HDLBP: variants seen among roughly 807,000 people sequenced by gnomAD.
The protein encoded by HDLBP is vigilin.
In HDLBP, 30 loss-of-function variants were observed where a neutral mutation model predicts 137.3. The observed-to-expected ratio is 0.22, with a 90% CI of 0.16 to 0.30. HDLBP has a LOEUF of 0.30. Among genes scored for constraint, HDLBP ranks in the 10% least tolerant of loss-of-function variants. The pLI, the probability that HDLBP is intolerant of heterozygous loss-of-function variation, is 1.00. For synonymous variants in HDLBP, 606 were observed against 596.0 expected (o/e 1.02, Z -0.24); for missense variants, 1,119 against 1,667.3 (o/e 0.67, Z 5.73).
At chr2:241,236,905 G>A (rs2070550419) in intron 20 of HDLBP, 136 bp from the exon 21 acceptor site, 3 of 782,060 alleles carry the variant, frequency 3.8e-6, no homozygotes, top group Non-Finnish European at 4.0e-6. Flanking sequence ...CTGTCCTTCA[G>A]GAGGTCTTGG....
In HDLBP at chr2:241,242,432, A is replaced by T. The variant is rs2071334673; in HGVS notation, c.2169+28T>A. ...TGTACTGAGGACCAGGCTTCCTGCC[A>T]AGAGTCACGCTCCCTCCCCATGCTC... On this transcript the variant is annotated intron_variant, in intron 17 of 27. Coordinates refer to ENST00000310931, the MANE Select transcript of HDLBP (RefSeq NM_005336.6). 3.1e-6 allele frequency: 5 copies of T among 1,592,528 alleles called. No individual in the cohort carries two copies. The East Asian group carries it at 1.1e-4, about 36-fold the overall frequency.
Position 241,239,509 on chromosome 2 carries a change from A to C in HDLBP, c.2610+93T>G, listed in dbSNP as rs1574874239. 1.0e-6 allele frequency: 1 copy of C among 999,916 alleles called. No individual in the cohort carries two copies. The highest frequency in any genetic ancestry group is 1.5e-6 in the Non-Finnish European group (1 of 649,526). The allele number at this position is 999,916 out of a possible 1,614,324, so 61.9% of individuals were successfully genotyped here. The stretch of plus-strand genomic sequence containing the variant: ...CCTTCCAGGGCTGTATGAGGGAGTC[A>C]CCTCCCTACAGGGTGGAGCGAACAC... On this transcript the variant is annotated intron_variant, in intron 19 of 27. Transcript: ENST00000310931. This position sits in a 1 kb window ranked among gnomAD's most constrained non-coding sequence, Gnocchi z 4.6.
At chr2:241,279,587 C>T (rs1224129711) in intron 1 of HDLBP, among the ~76,000 whole-genome samples, 1 of 152,152 alleles carries the variant, frequency 6.6e-6, no homozygotes, top group Non-Finnish European at 1.5e-5. Flanking sequence ...CTGACATTGC[C>T]TGCCTCAGAT....
intron 17 of HDLBP, among the ~76,000 whole-genome samples, chr2:241,242,179 G>A (rs2071304293): frequency 6.6e-6 from 1 of 152,142 alleles, no homozygotes; most frequent in African/African-American, 2.4e-5. Flanking sequence ...AACTATACCT[G>A]AAGAATGGCC....
intron 23 of HDLBP, 99 bp from the exon 24 acceptor site, chr2:241,234,062 C>T (rs2070108980): frequency 7.2e-7 from 1 of 1,389,902 alleles, no homozygotes; most frequent in Non-Finnish European, 1.0e-6. Context: ...GGAGATGCTG[C>T]AGTGTTCTGT....
At chr2:241,297,093 G>T (rs902307269) in intron 1 of HDLBP, among the ~76,000 whole-genome samples, 6 of 143,144 alleles carry the variant, frequency 4.2e-5, no homozygotes, top group Non-Finnish European at 9.2e-5. Context: ...TGCAAAAAGA[G>T]AGCGTGTAGG....
At chr2:241,245,822 G>GTTTT (rs1156359327) in intron 16 of HDLBP, among the ~76,000 whole-genome samples, 1 of 151,896 alleles carries the variant, frequency 6.6e-6, no homozygotes, top group Non-Finnish European at 1.5e-5. Flanking sequence ...AAATATAAGG[G>GTTTT]GGAAAAAAAT....
At chr2:241,262,661 A>T in intron 5 of HDLBP, 50 bp downstream of exon 5, 1 of 1,409,344 alleles carries the variant, frequency 7.1e-7, no homozygotes, top group Non-Finnish European at 1.0e-6. Flanking sequence ...GAGCCGGGTA[A>T]TGGAACGGGT....
chr2:241,259,727 G>A (rs1273602334), intron 5 of HDLBP, among the ~76,000 whole-genome samples: 1 of 151,938 alleles, frequency 6.6e-6, no homozygotes, highest in Non-Finnish European at 1.5e-5. Context: ...TGCTCACCTC[G>A]GCCTCCCAAA....
intron 1 of HDLBP, among the ~76,000 whole-genome samples, chr2:241,291,905 T>C: frequency 6.6e-6 from 1 of 152,220 alleles, no homozygotes; most frequent in East Asian, 1.9e-4. Flanking sequence ...AAGCAGATAC[T>C]CTCCAGAGCT....
intron 9 of HDLBP, among the ~76,000 whole-genome samples, chr2:241,254,130 C>G (rs1411246470): frequency 6.6e-6 from 1 of 152,102 alleles, no homozygotes; most frequent in Non-Finnish European, 1.5e-5. Context: ...CGAAAACTAG[C>G]CTGGGGCGCC....
At chr2:241,246,121 C>T (rs1014487403) in intron 16 of HDLBP, among the ~76,000 whole-genome samples, 21 of 152,158 alleles carry the variant, frequency 1.4e-4, no homozygotes, top group Non-Finnish European at 4.4e-5. Context: ...GGTGACAACA[C>T]ACACAAATGT....
At chr2:241,252,728 A>G (rs927487480) in intron 11 of HDLBP, among the ~76,000 whole-genome samples, 19 of 152,230 alleles carry the variant, frequency 1.2e-4, no homozygotes, top group Non-Finnish European at 2.5e-4. Context: ...TGGATTTCCA[A>G]AAGTGACAAT....
In HDLBP at chr2:241,262,818, A is replaced by T. The variant is rs761118075; in HGVS notation, c.343T>A (p.Leu115Met). Reference sequence around the variant, plus strand: ...TGGTCTTTGGCCAAAGACAGCTCCAAGTGAGCACCAGTTCTCTGCATGATC... The same window carrying T: ...TGGTCTTTGGCCAAAGACAGCTCCATGTGAGCACCAGTTCTCTGCATGATC... ...LEIMQRTGAH[L>M]ELSLAKDQGL... is the part of the protein sequence containing the mutation. The change falls in exon 5 of 28, where the codon TTG becomes ATG. Residue 115 changes from leucine (L) to methionine (M), a missense_variant. By Grantham distance (15) the Leu-to-Met change is conservative. Around this residue, in one of 4 missense-constraint regions of HDLBP, gnomAD observed 17 missense variants for 64.3 expected, o/e 0.26. Transcript: ENST00000310931. 1 of 1,614,100 alleles carries T rather than the reference A, an allele frequency of 6.2e-7. No individual in the cohort carries two copies. Among genetic ancestry groups the T allele is most frequent in the African/African-American group, 1.3e-5 (1 of 74,940 alleles).
Position 241,239,625 on chromosome 2 carries a change from T to C in HDLBP, c.2587A>G (p.Ile863Val), listed in dbSNP as rs774689627. 6.2e-7 allele frequency: 1 copy of C among 1,614,182 alleles called. No homozygotes were observed. Among genetic ancestry groups the C allele is most frequent in the Non-Finnish European group, 8.5e-7 (1 of 1,180,014 alleles). The change falls in exon 19 of 28, where the codon ATT becomes GTT. Residue 863 changes from isoleucine to valine, a missense_variant. Around this residue, in one of 4 missense-constraint regions of HDLBP, gnomAD observed 618 missense variants for 816.7 expected, o/e 0.76. Transcript: ENST00000310931. This position sits in a 1 kb window ranked among gnomAD's most constrained non-coding sequence, Gnocchi z 4.6. ...KDCVEAAKKR[I>V]QEIIEDLEAQ... Reference sequence around the variant, plus strand: ...ACCAGGTCCTCAATGATCTCCTGAATGCGTTTCTTGGCTGCCTCCACACAG... The same window carrying C: ...ACCAGGTCCTCAATGATCTCCTGAACGCGTTTCTTGGCTGCCTCCACACAG...
Position 241,238,808 on chromosome 2 carries a change from A to G in HDLBP, c.2611-21T>C, listed in dbSNP as rs747547197. ...GCTTCCTGGAGGGAGGTACACAAAGAAAAAAGAAAAGAGCAAAGATTAAAT... is the reference window on the plus strand; with the variant it reads ...GCTTCCTGGAGGGAGGTACACAAAGGAAAAAGAAAAGAGCAAAGATTAAAT... On this transcript the variant is annotated intron_variant, in intron 19 of 27. Transcript: ENST00000310931. The surrounding 1 kb of genome is among the most constrained non-coding windows in gnomAD (Gnocchi z 4.9). The G allele has an allele frequency of 4.1e-6, 6 of 1,468,890 alleles. No individual in the cohort carries two copies. In the Admixed American group the frequency reaches 9.0e-5, roughly 22 times the overall value. 91.0% of individuals were successfully genotyped at this position (1,468,890 alleles called of 1,614,324 possible).
chr2:241,255,248 C>T (rs557015608), intron 8 of HDLBP, 90 bp from the exon 9 acceptor site: 77 of 1,432,694 alleles, frequency 5.4e-5, no homozygotes, highest in African/African-American at 1.1e-4. Flanking sequence ...CTCAGAGGCA[C>T]GCTCTCCCCA....
intron 12 of HDLBP, chr2:241,249,258 C>T (rs925244902): frequency 6.4e-6 from 3 of 465,906 alleles, no homozygotes; most frequent in South Asian, 1.6e-5. Context: ...GTTCCTCACA[C>T]AGTCAGGCCA....
intron 5 of HDLBP, among the ~76,000 whole-genome samples, chr2:241,257,022 A>T (rs1466336207): frequency 6.6e-6 from 1 of 152,154 alleles, no homozygotes; most frequent in African/African-American, 2.4e-5. Flanking sequence ...CTGCACCACT[A>T]CTTAACATCC....
Sources: allele counts gnomAD v4.1 joint callset (sites outside exome capture counted in the v4.1 genomes callset), GRCh38; gene constraint gnomAD v4.1.1; regional missense constraint gnomAD v4.1.1; non-coding constraint Gnocchi (gnomAD v3.1); transcripts MANE v1.5; gene names NCBI Gene and HGNC (gene_info 2026-07-23, HGNC 2026-07-21).